The following AGAP1 variants were observed in gnomAD, a reference collection of about 807,000 sequenced individuals.
AGAP1 encodes arf-GAP with GTPase, ANK repeat and PH domain-containing protein 1.
A neutral mutation model predicts 105.3 loss-of-function variants in AGAP1; 29 were observed. The observed-to-expected ratio is 0.28, with a 90% CI of 0.21 to 0.38. The LOEUF (loss-of-function observed/expected upper bound fraction) is 0.38. Among genes scored for constraint, AGAP1 ranks in the 10% least tolerant of loss-of-function variants. The pLI is 1.00. For missense variants in AGAP1, 998 were observed against 1,165.1 expected (o/e 0.86, Z 2.09); for synonymous variants, 509 against 485.9 (o/e 1.05, Z -0.63).
intron 16 of AGAP1, among the ~76,000 whole-genome samples, chr2:236,108,256 T>A (rs2059552005): frequency 6.6e-6 from 1 of 152,178 alleles, no homozygotes; most frequent in Non-Finnish European, 1.5e-5. Flanking sequence ...CCCCTCTCTC[T>A]TCCTCACGTA....
intron 10 of AGAP1, among the ~76,000 whole-genome samples, chr2:235,903,607 A>G (rs1156678104): frequency 6.6e-6 from 1 of 152,316 alleles, no homozygotes; most frequent in African/African-American, 2.4e-5. Flanking sequence ...TTCAAGTGCC[A>G]AAGGCCCCAG....
At chr2:235,545,326 T>A (rs899150376) in intron 1 of AGAP1, among the ~76,000 whole-genome samples, 1 of 152,172 alleles carries the variant, frequency 6.6e-6, no homozygotes, top group African/African-American at 2.4e-5. Context: ...TATTTAGCCC[T>A]GGAAAGGAAG....
At position 235,658,578 on chromosome 2, in the gene AGAP1, C is replaced by T. The variant is rs971902784; in HGVS notation, c.164-50601C>T. Among the ~76,000 whole-genome samples the T allele has an allele frequency of 3.3e-5, 5 of 152,148 alleles. No homozygotes were observed. In the East Asian group the frequency reaches 9.7e-4, roughly 29 times the overall value. Reference sequence around the variant, plus strand: ...TGAGAGGGTGCTGGGGGCACGTGCCCAGCAGGGGTGGAGGGGTGGACAGGC... The same window carrying T: ...TGAGAGGGTGCTGGGGGCACGTGCCTAGCAGGGGTGGAGGGGTGGACAGGC... On this transcript the variant is annotated intron_variant, in intron 1 of 17. Coordinates refer to ENST00000304032, the MANE Select transcript of AGAP1 (RefSeq NM_001037131.3).
At position 236,131,683 on chromosome 2, in the gene AGAP1, C is replaced by G. The variant is rs1481949174; in HGVS notation, c.*7561C>G. 1.3e-5 allele frequency: 2 copies of G among 151,574 alleles called. No homozygotes were observed. Among genetic ancestry groups the G allele is most frequent in the Non-Finnish European group, 2.9e-5 (2 of 67,924 alleles). 9.4% of individuals were successfully genotyped at this position (151,574 alleles called of 1,614,324 possible). A position where few individuals can be genotyped will look rare whatever the true frequency, so the allele number is the denominator to read the frequency against. On this transcript the variant is annotated 3_prime_UTR_variant, in exon 18 of 18. Coordinates refer to ENST00000304032, the MANE Select transcript of AGAP1 (RefSeq NM_001037131.3). The surrounding 1 kb of genome is among the most constrained non-coding windows in gnomAD (Gnocchi z 5.9). ...TTCCTGCCTTGGGATTTTTTTGTGTCCGCTGTACAGTATTCTAAGGGAAAA... is the reference window on the plus strand; with the variant it reads ...TTCCTGCCTTGGGATTTTTTTGTGTGCGCTGTACAGTATTCTAAGGGAAAA...
At position 236,046,626 on chromosome 2, in the gene AGAP1, G is replaced by C. The variant is rs749753750; in HGVS notation, c.1892-2433G>C. The stretch of plus-strand genomic sequence containing the variant: ...CAACTGAAATGTACGTGGTCGTTGC[G>C]TATATAATAATTCAGGAGCCAGGAA... On this transcript the variant is annotated intron_variant, in intron 15 of 17. Transcript: ENST00000304032. The surrounding 1 kb of genome is among the most constrained non-coding windows in gnomAD (Gnocchi z 5.2). Among the ~76,000 whole-genome samples the C allele has an allele frequency of 5.9e-5, 9 of 152,276 alleles. No homozygotes were observed. Among genetic ancestry groups the C allele is most frequent in the Non-Finnish European group, 1.2e-4 (8 of 68,016 alleles).
chr2:235,577,901 C>T lies in AGAP1; in HGVS notation c.163+83052C>T, dbSNP rs1299446262. On this transcript the variant is annotated intron_variant, in intron 1 of 17. Coordinates refer to ENST00000304032, the MANE Select transcript of AGAP1 (RefSeq NM_001037131.3). This position sits in a 1 kb window ranked among gnomAD's most constrained non-coding sequence, Gnocchi z 4.5. ...GGATGAAAAAAACCAAACACTGAGC[C>T]TGGTCTGAGCGGGGCTGTTTGTTGA... 6.6e-6 allele frequency among the ~76,000 whole-genome samples: 1 copy of T among 152,066 alleles called. No homozygotes were observed. The highest frequency in any genetic ancestry group is 2.4e-5 in the African/African-American group (1 of 41,390).
At chr2:235,861,805 T>C (rs142198706) in intron 9 of AGAP1, among the ~76,000 whole-genome samples, 1 of 152,356 alleles carries the variant, frequency 6.6e-6, no homozygotes, top group East Asian at 1.9e-4. Context: ...TGTGCATATC[T>C]GTATCTTACC....
chr2:235,768,790 G>A (rs1955186368), intron 6 of AGAP1, among the ~76,000 whole-genome samples: 1 of 152,218 alleles, frequency 6.6e-6, no homozygotes, highest in South Asian at 2.1e-4. Context: ...AGCACTGTTA[G>A]CGGTTGACAG....
intron 16 of AGAP1, among the ~76,000 whole-genome samples, chr2:236,063,974 G>A (rs1472637025): frequency 6.6e-6 from 1 of 152,148 alleles, no homozygotes; most frequent in Non-Finnish European, 1.5e-5. Flanking sequence ...GACCCTGGAG[G>A]ATACATACAT....
chr2:235,721,707 G>A lies in AGAP1; in HGVS notation c.310+4063G>A, dbSNP rs1480751463. On this transcript the variant is annotated intron_variant, in intron 3 of 17. Transcript: ENST00000304032. The surrounding 1 kb of genome is among the most constrained non-coding windows in gnomAD (Gnocchi z 4.5). ...TGTGCGGTTCTGATTTAATTAGTGT[G>A]TGCATATCCTTTATATTCTAATCCT... Among the ~76,000 whole-genome samples the A allele has an allele frequency of 2.0e-5, 3 of 152,202 alleles. No individual in the cohort carries two copies. Among genetic ancestry groups the A allele is most frequent in the Non-Finnish European group, 4.4e-5 (3 of 68,044 alleles).
chr2:235,874,545 G>A lies in AGAP1; in HGVS notation c.1051-8800G>A, dbSNP rs2049613811. Among the ~76,000 whole-genome samples the A allele has an allele frequency of 6.6e-6, 1 of 152,158 alleles. No individual in the cohort carries two copies. The highest frequency in any genetic ancestry group is 2.1e-4 in the South Asian group (1 of 4,822). On this transcript the variant is annotated intron_variant, in intron 9 of 17. Transcript: ENST00000304032. This position sits in a 1 kb window ranked among gnomAD's most constrained non-coding sequence, Gnocchi z 4.5. The stretch of plus-strand genomic sequence containing the variant: ...AGAGCAACCGAAGTGCACTTTGCAG[G>A]GAGCTAAGAGGCTCGGCTGCTAACA...
chr2:235,521,758 G>A (rs1282113778), intron 1 of AGAP1, among the ~76,000 whole-genome samples: 125 of 152,000 alleles, frequency 8.2e-4, no homozygotes, highest in Non-Finnish European at 1.3e-3. Flanking sequence ...GTGTGTGTGT[G>A]TGTGTGTGTG....
intron 1 of AGAP1, among the ~76,000 whole-genome samples, chr2:235,522,647 C>T (rs1017762873): frequency 6.6e-6 from 1 of 151,916 alleles, no homozygotes; most frequent in Non-Finnish European, 1.5e-5. Context: ...GGGGTGATGC[C>T]GATGAAGAGG....
At chr2:236,117,237 G>C (rs1345096122) in intron 16 of AGAP1, among the ~76,000 whole-genome samples, 3 of 152,162 alleles carry the variant, frequency 2.0e-5, no homozygotes, top group Non-Finnish European at 4.4e-5. Context: ...AGTGTTCCCT[G>C]TACACCACAT....
chr2:235,873,005 C>T (rs2049521175), intron 9 of AGAP1, among the ~76,000 whole-genome samples: 1 of 152,202 alleles, frequency 6.6e-6, no homozygotes, highest in Non-Finnish European at 1.5e-5. Context: ...AGCCGTGCCC[C>T]AGGAGGGCAG....
intron 1 of AGAP1, among the ~76,000 whole-genome samples, chr2:235,694,837 G>A (rs13022260): frequency 3.9e-5 from 6 of 152,260 alleles, no homozygotes; most frequent in South Asian, 2.1e-4. Flanking sequence ...AAGCAAACGC[G>A]TCTCAGACTT....
intron 9 of AGAP1, among the ~76,000 whole-genome samples, chr2:235,873,995 C>T (rs979977530): frequency 1.3e-5 from 2 of 152,208 alleles, no homozygotes; most frequent in African/African-American, 4.8e-5. Context: ...TCCCAAAGTG[C>T]TGGGGTCACA....
At chr2:235,670,388 AC>A in intron 1 of AGAP1, 4 of 558,108 alleles carry the variant, frequency 7.2e-6, no homozygotes, top group South Asian at 2.0e-5. Flanking sequence ...CACCTTCCGC[AC>A]CCGCAGCACC....
At chr2:235,548,981 A>C (rs1394802587) in intron 1 of AGAP1, among the ~76,000 whole-genome samples, 1 of 152,092 alleles carries the variant, frequency 6.6e-6, no homozygotes, top group East Asian at 1.9e-4. Context: ...CCTGCTCTGG[A>C]GCGGACCTGC....
Sources: gnomAD v4.1 joint callset for allele counts (sites outside exome capture counted in the v4.1 genomes callset) on GRCh38, gnomAD v4.1.1 for gene constraint, Gnocchi (gnomAD v3.1) non-coding constraint, MANE v1.5 for transcripts, NCBI Gene and HGNC (gene_info 2026-07-23, HGNC 2026-07-21) for gene names.